FAM3C: variants seen among roughly 807,000 people sequenced by gnomAD.
FAM3C encodes the protein FAM3 metabolism regulating signaling molecule C.
A neutral mutation model predicts 32.5 loss-of-function variants in FAM3C; 15 were observed. That is an observed-to-expected ratio of 0.46 (90% confidence interval 0.31 to 0.71). The LOEUF (loss-of-function observed/expected upper bound fraction) is 0.71, where lower values mean the gene tolerates loss of function less well. Ranked by LOEUF, FAM3C falls within the 30% of genes least tolerant of loss-of-function variation. The pLI is 0.05. For synonymous variants in FAM3C, 75 were observed against 86.1 expected (o/e 0.87, Z 0.72); for missense variants, 175 against 274.4 (o/e 0.64, Z 2.56).
At chr7:121,392,345 G>A (rs1171481642) in intron 1 of FAM3C, among the ~76,000 whole-genome samples, 1 of 152,176 alleles carries the variant, frequency 6.6e-6, no homozygotes, top group East Asian at 1.9e-4. Flanking sequence ...GGAAGGCTAA[G>A]GGGAAACAGA....
chr7:121,382,087 C>T (rs1794368627), intron 2 of FAM3C, among the ~76,000 whole-genome samples: 1 of 152,202 alleles, frequency 6.6e-6, no homozygotes, highest in African/African-American at 2.4e-5. Flanking sequence ...TGGGCACACG[C>T]TTAGTAGAAA....
intron 1 of FAM3C, among the ~76,000 whole-genome samples, chr7:121,385,065 T>C (rs1794439698): frequency 1.3e-5 from 2 of 152,062 alleles, no homozygotes; most frequent in South Asian, 4.1e-4. Context: ...AAACAAGGAT[T>C]GAACAGGTCC....
chr7:121,359,363 AT>A (rs955735806), intron 8 of FAM3C, among the ~76,000 whole-genome samples: 5 of 152,012 alleles, frequency 3.3e-5, no homozygotes, highest in African/African-American at 1.2e-4. Context: ...GGCATAAACA[AT>A]TTTTTATAAA....
intron 4 of FAM3C, 32 bp downstream of exon 4, chr7:121,372,078 T>A: frequency 3.9e-6 from 6 of 1,547,286 alleles, no homozygotes; most frequent in Non-Finnish European, 5.3e-6. Context: ...GCAGAATAAA[T>A]CATACATAAA....
chr7:121,375,515 C>T (rs955518130), intron 3 of FAM3C, among the ~76,000 whole-genome samples: 1 of 152,076 alleles, frequency 6.6e-6, no homozygotes, highest in African/African-American at 2.4e-5. Flanking sequence ...AAGAAAATGG[C>T]TCTGAAAGTG....
At chr7:121,369,225 C>G (rs540073680) in intron 5 of FAM3C, among the ~76,000 whole-genome samples, 3 of 152,196 alleles carry the variant, frequency 2.0e-5, no homozygotes, top group South Asian at 4.1e-4. Flanking sequence ...AGGTGATCCA[C>G]CCGCTTCGAC....
chr7:121,388,234 T>TC (rs1318894315), intron 1 of FAM3C, among the ~76,000 whole-genome samples: 3 of 58,856 alleles, frequency 5.1e-5, no homozygotes, highest in South Asian at 6.0e-4. Flanking sequence ...ACCACCATTT[T>TC]AACACACACA....
chr7:121,379,921 A>C (rs1001695926), intron 2 of FAM3C, among the ~76,000 whole-genome samples: 1 of 152,176 alleles, frequency 6.6e-6, no homozygotes, highest in Non-Finnish European at 1.5e-5. Context: ...CTATAATACT[A>C]ATCAATCCCT....
At chr7:121,390,192 A>C (rs548656515) in intron 1 of FAM3C, among the ~76,000 whole-genome samples, 62 of 152,314 alleles carry the variant, frequency 4.1e-4, no homozygotes, top group African/African-American at 1.2e-3. Context: ...TTAATACCCT[A>C]TTTATTTTAA....
chr7:121,370,067 T>C (rs1415780724), intron 5 of FAM3C, among the ~76,000 whole-genome samples: 1 of 152,186 alleles, frequency 6.6e-6, no homozygotes, highest in Non-Finnish European at 1.5e-5. Flanking sequence ...GAATCAAATT[T>C]GGGGTCTATT....
chr7:121,351,592 C>T (rs1029199475), intron 8 of FAM3C: 2 of 223,206 alleles, frequency 9.0e-6, no homozygotes, highest in African/African-American at 4.5e-5. Flanking sequence ...AGATGCCTAT[C>T]CAGGCTATCC....
intron 5 of FAM3C, among the ~76,000 whole-genome samples, chr7:121,366,916 T>C (rs946973723): frequency 6.6e-6 from 1 of 152,192 alleles, no homozygotes; most frequent in Non-Finnish European, 1.5e-5. Context: ...CAGAGTGACT[T>C]TTCCAAGTAA....
chr7:121,372,538 C>T (rs919012575), intron 3 of FAM3C, among the ~76,000 whole-genome samples: 1 of 152,062 alleles, frequency 6.6e-6, no homozygotes, highest in African/African-American at 2.4e-5. Flanking sequence ...GCAAAGAAAG[C>T]CCCAGAGAAT....
intron 8 of FAM3C, 34 bp from the exon 9 acceptor site, chr7:121,351,303 CAG>C (rs1793701073): frequency 6.2e-7 from 1 of 1,603,186 alleles, no homozygotes; most frequent in African/African-American, 1.3e-5. Context: ...CAACAATAAA[CAG>C]AGGGAACTGT....
rs1282852148 is a variant in FAM3C at position 121,351,285 on chromosome 7, A to G, written c.468-16T>C. ...ATCATTGAGTCTTGAAGAGGGAGAG[A>G]AAGAATACAACAATAAACAGAGGGA... is the stretch of plus-strand genomic sequence containing the variant. On this transcript the variant is annotated splice_polypyrimidine_tract_variant and intron_variant, in intron 8 of 9. Transcript: ENST00000359943. The G allele has an allele frequency of 3.7e-6, 6 of 1,611,660 alleles. No homozygotes were observed. The highest frequency in any genetic ancestry group is 1.7e-5 in the Admixed American group (1 of 59,802).
chr7:121,361,447 C>T (rs1001232694), intron 7 of FAM3C, among the ~76,000 whole-genome samples: 6 of 152,180 alleles, frequency 3.9e-5, no homozygotes, highest in African/African-American at 1.4e-4. Context: ...TAGAAGAATG[C>T]TGCTAGCGGT....
At chr7:121,386,721 TTC>T (rs1794472512) in intron 1 of FAM3C, among the ~76,000 whole-genome samples, 3 of 151,420 alleles carry the variant, frequency 2.0e-5, no homozygotes, top group South Asian at 4.2e-4. Flanking sequence ...ATGTAATTGG[TTC>T]TGTTTTTCTA....
intron 1 of FAM3C, among the ~76,000 whole-genome samples, chr7:121,393,041 T>C (rs909220806): frequency 3.9e-5 from 6 of 152,172 alleles, no homozygotes; most frequent in Non-Finnish European, 8.8e-5. Context: ...TTGCCGAGGA[T>C]TGGCAGGGAG....
intron 3 of FAM3C, 94 bp downstream of exon 3, chr7:121,378,816 G>T: frequency 3.7e-6 from 2 of 541,428 alleles, no homozygotes; most frequent in Non-Finnish European, 6.6e-6. Context: ...ATCACATTTC[G>T]TTTTCTAGCA....
Sources: gnomAD v4.1 joint callset for allele counts (sites outside exome capture counted in the v4.1 genomes callset) on GRCh38, gnomAD v4.1.1 for gene constraint, MANE v1.5 for transcripts, NCBI Gene and HGNC (gene_info 2026-07-23, HGNC 2026-07-21) for gene names.